The following KCNK9 variants were observed in gnomAD, a reference collection of about 807,000 sequenced individuals.
KCNK9 encodes potassium channel subfamily K member 9.
KCNK9 carries 1 observed loss-of-function variant against 10.8 expected under a neutral mutation model. That is an observed-to-expected ratio of 0.09 (90% CI 0.03 to 0.44). The LOEUF (loss-of-function observed/expected upper bound fraction) is 0.44, where lower values mean the gene tolerates loss of function less well. Among genes scored for constraint, KCNK9 ranks in the 20% least tolerant of loss-of-function variants. The probability of loss-of-function intolerance (pLI) is 0.97; values close to 1 mark genes in which losing one functional copy is unlikely to be tolerated. For synonymous variants in KCNK9, 231 were observed against 222.7 expected, an observed-to-expected ratio of 1.04 and a Z score of -0.33; for missense variants, 303 against 515.0, an observed-to-expected ratio of 0.59 and a Z score of 3.98.
At chr8:139,674,448 G>T (rs1210526006) in intron 1 of KCNK9, among the ~76,000 whole-genome samples, 1 of 152,172 alleles carries the variant, frequency 6.6e-6, no homozygotes, top group Non-Finnish European at 1.5e-5. Context: ...AGGGGGCCAG[G>T]GCCAGGTGGG....
chr8:139,620,628 C>T (rs1173925419), intron 1 of KCNK9, among the ~76,000 whole-genome samples: 1 of 152,128 alleles, frequency 6.6e-6, no homozygotes, highest in African/African-American at 2.4e-5. Context: ...GTGCCATAAC[C>T]TACCTACCCC....
chr8:139,674,362 C>G (rs1182700884), intron 1 of KCNK9, among the ~76,000 whole-genome samples: 1 of 152,242 alleles, frequency 6.6e-6, no homozygotes, highest in Non-Finnish European at 1.5e-5. Context: ...TGCTCTCAGG[C>G]TTCCAGCCTC....
intron 1 of KCNK9, among the ~76,000 whole-genome samples, chr8:139,690,906 C>A (rs535973892): frequency 2.0e-5 from 3 of 152,152 alleles, no homozygotes; most frequent in Non-Finnish European, 4.4e-5. Flanking sequence ...CTAGATTGCA[C>A]CCAGGTCAAG....
At chr8:139,635,762 C>T (rs1815318409) in intron 1 of KCNK9, among the ~76,000 whole-genome samples, 1 of 152,226 alleles carries the variant, frequency 6.6e-6, no homozygotes, top group East Asian at 1.9e-4. Flanking sequence ...CCCACAACCC[C>T]CCCACTCAGG....
chr8:139,670,881 C>T (rs1051608332), intron 1 of KCNK9, among the ~76,000 whole-genome samples: 5 of 152,180 alleles, frequency 3.3e-5, no homozygotes, highest in South Asian at 2.1e-4. Context: ...TCTTCTGCAG[C>T]TCTAGGATTT....
intron 1 of KCNK9, among the ~76,000 whole-genome samples, chr8:139,630,924 C>A (rs1451427210): frequency 6.6e-6 from 1 of 152,342 alleles, no homozygotes; most frequent in South Asian, 2.1e-4. Flanking sequence ...GAAAGAGGCT[C>A]CTAGAAAGTG....
At chr8:139,692,153 T>A (rs73360075) in intron 1 of KCNK9, among the ~76,000 whole-genome samples, 1 of 152,146 alleles carries the variant, frequency 6.6e-6, no homozygotes, top group African/African-American at 2.4e-5. Context: ...AAGAACCTGC[T>A]CTCTCAAGGC....
chr8:139,678,264 C>T (rs1243383047), intron 1 of KCNK9, among the ~76,000 whole-genome samples: 1 of 152,200 alleles, frequency 6.6e-6, no homozygotes, highest in Non-Finnish European at 1.5e-5. Context: ...TCCAGGATGT[C>T]GTGGAAGCGT....
chr8:139,677,757 T>TTGCATCCCAGCCC lies in KCNK9; in HGVS notation c.283+24952_283+24953insGGGCTGGGATGCA, dbSNP rs1563747759. Among the ~76,000 whole-genome samples the TTGCATCCCAGCCC allele has an allele frequency of 6.9e-4, 101 of 145,768 alleles. 1 individual carries two copies. Among genetic ancestry groups the TTGCATCCCAGCCC allele is most frequent in the African/African-American group, 2.7e-3 (95 of 35,772 alleles). ...GTCCCTACAGCTTCAGAGTAATACC[T>TTGCATCCCAGCCC]CACATCTGATCCCAATGTGTCCCCA... On this transcript the variant is annotated intron_variant, in intron 1 of 1. Transcript: ENST00000520439.
chr8:139,668,422 CT>C (rs35809199), intron 1 of KCNK9, among the ~76,000 whole-genome samples: 32,337 of 140,516 alleles, frequency 0.23, 3,424 homozygotes, highest in South Asian at 0.32. Context: ...GTAAACAATA[CT>C]TTTTTTTTTT....
chr8:139,649,881 C>T (rs1399412901), intron 1 of KCNK9, among the ~76,000 whole-genome samples: 1 of 152,220 alleles, frequency 6.6e-6, no homozygotes, highest in Non-Finnish European at 1.5e-5. Flanking sequence ...AATGCTGGAG[C>T]AGAGGCTCCT....
chr8:139,678,471 G>A (rs568185637), intron 1 of KCNK9, among the ~76,000 whole-genome samples: 15 of 152,254 alleles, frequency 9.9e-5, no homozygotes, highest in Admixed American at 7.8e-4. Context: ...AGCTCGGCCC[G>A]TCTCCACTCA....
intron 1 of KCNK9, among the ~76,000 whole-genome samples, chr8:139,667,409 T>C (rs1816328079): frequency 6.6e-6 from 1 of 151,878 alleles, no homozygotes; most frequent in Admixed American, 6.6e-5. Context: ...ATAAAAACGG[T>C]CCCCACAGCC....
At chr8:139,672,276 G>T (rs1256967376) in intron 1 of KCNK9, among the ~76,000 whole-genome samples, 1 of 152,144 alleles carries the variant, frequency 6.6e-6, no homozygotes, top group Non-Finnish European at 1.5e-5. Context: ...GGAGGGCCTC[G>T]GGGCTGGCAC....
At chr8:139,621,827 A>C (rs917975650) in intron 1 of KCNK9, among the ~76,000 whole-genome samples, 1 of 152,172 alleles carries the variant, frequency 6.6e-6, no homozygotes, top group African/African-American at 2.4e-5. Flanking sequence ...GAGCTGATAC[A>C]AAAAAAGCCA....
At chr8:139,671,507 G>A (rs1563744990) in intron 1 of KCNK9, among the ~76,000 whole-genome samples, 1 of 131,940 alleles carries the variant, frequency 7.6e-6, no homozygotes, top group Non-Finnish European at 1.6e-5. Context: ...TCTTTTTTTA[G>A]TTTCTTTTTT....
chr8:139,619,714 T>C (rs1329397067), intron 1 of KCNK9, among the ~76,000 whole-genome samples: 1 of 152,140 alleles, frequency 6.6e-6, no homozygotes, highest in East Asian at 1.9e-4. Flanking sequence ...TTCTTCAGAG[T>C]TGGGATTTCA....
chr8:139,620,756 C>T (rs1586635312), intron 1 of KCNK9, among the ~76,000 whole-genome samples: 1 of 152,304 alleles, frequency 6.6e-6, no homozygotes, highest in South Asian at 2.1e-4. Context: ...CCCTCTGAAA[C>T]CCCTTAGTCC....
At chr8:139,697,277 G>T (rs1817083795) in intron 1 of KCNK9, among the ~76,000 whole-genome samples, 1 of 149,892 alleles carries the variant, frequency 6.7e-6, no homozygotes, top group African/African-American at 2.5e-5. Context: ...TGGATAGGTA[G>T]ATGAGTGGTG....
Sources: gnomAD v4.1 joint callset for allele counts (sites outside exome capture counted in the v4.1 genomes callset) on GRCh38, gnomAD v4.1.1 for gene constraint, MANE v1.5 for transcripts, NCBI Gene and HGNC (gene_info 2026-07-23, HGNC 2026-07-21) for gene names.